Variants in BFSP1 observed in about 807,000 individuals in gnomAD.
BFSP1 encodes the protein filensin.
In BFSP1, 38 loss-of-function variants were observed where a neutral mutation model predicts 43.9. The ratio of observed to expected loss-of-function variants is 0.87; its 90% CI spans 0.67 to 1.14. BFSP1 has a LOEUF of 1.14. Among genes scored for constraint, BFSP1 ranks in the 50% most tolerant of loss-of-function variants. The pLI, the probability that BFSP1 is intolerant of heterozygous loss-of-function variation, is 0.00. For missense variants in BFSP1, 850 were observed against 875.1 expected, an observed-to-expected ratio of 0.97 and a Z score of 0.36; for synonymous variants, 352 against 354.8, an observed-to-expected ratio of 0.99 and a Z score of 0.09.
intron 3 of BFSP1, among the ~76,000 whole-genome samples, 175 bp downstream of exon 3, chr20:17,514,546 C>T (rs1396145198): frequency 6.6e-6 from 1 of 152,160 alleles, no homozygotes; most frequent in African/African-American, 2.4e-5. Flanking sequence ...CTCTTCAAAG[C>T]ACATCTAGCT....
rs1249445139 is a variant in BFSP1, at chr20:17,531,156, G to C, written c.174C>G (p.Ala58=). Residue 58 remains alanine (A), a synonymous_variant, in exon 1 of 8, where the codon GCC becomes GCG. Coordinates refer to ENST00000377873, the MANE Select transcript of BFSP1 (RefSeq NM_001195.5). ...GERVAAHVQR[A]RALEQRHAGL... ...CGGCATGGCGCTGCTCGAGGGCGCGGGCCCGCTGGACGTGGGCGGCCACGC... is the reference window on the plus strand; with the variant it reads ...CGGCATGGCGCTGCTCGAGGGCGCGCGCCCGCTGGACGTGGGCGGCCACGC... 8 of 1,304,398 alleles carry C rather than the reference G, an allele frequency of 6.1e-6. No homozygotes were observed. In the African/African-American group the frequency reaches 1.1e-4, roughly 18 times the overall value. The allele number at this position is 1,304,398 out of a possible 1,614,324, so 80.8% of individuals were successfully genotyped here.
chr20:17,539,923 T>C (rs1203363118), intron 1 of BFSP1, among the ~76,000 whole-genome samples: 2 of 152,164 alleles, frequency 1.3e-5, no homozygotes, highest in Non-Finnish European at 2.9e-5. Context: ...AGCGTTGACC[T>C]GAAATTGGGG....
At chr20:17,496,726 G>T (rs2033640299) in intron 7 of BFSP1, among the ~76,000 whole-genome samples, 1 of 152,138 alleles carries the variant, frequency 6.6e-6, no homozygotes, top group Non-Finnish European at 1.5e-5. Context: ...AGGTAGCCTA[G>T]CCCCCTAGTC....
chr20:17,499,647 C>T (rs2033748311), intron 5 of BFSP1, among the ~76,000 whole-genome samples: 1 of 152,114 alleles, frequency 6.6e-6, no homozygotes, highest in Admixed American at 6.5e-5. Flanking sequence ...GAAACCTAGG[C>T]CAGGTGGCTC....
chr20:17,524,993 TG>T, intron 1 of BFSP1, 85 bp from the exon 2 acceptor site: 1 of 1,177,230 alleles, frequency 8.5e-7, no homozygotes, highest in East Asian at 2.3e-5. Context: ...AAATTCAACC[TG>T]GGTACGATGC....
chr20:17,531,598 A>T (rs971331054), upstream of BFSP1, among the ~76,000 whole-genome samples: 1 of 152,198 alleles, frequency 6.6e-6, no homozygotes, highest in Non-Finnish European at 1.5e-5. Context: ...GTGATTGTTC[A>T]GGCCTGTTGC....
chr20:17,504,414 G>A (rs1436736321), intron 5 of BFSP1, among the ~76,000 whole-genome samples: 1 of 152,158 alleles, frequency 6.6e-6, no homozygotes, highest in Non-Finnish European at 1.5e-5. Flanking sequence ...TGTGACGAGA[G>A]CCACTGTGGC....
At chr20:17,556,464 A>G (rs1600686242) in intron 1 of BFSP1, among the ~76,000 whole-genome samples, 1 of 152,184 alleles carries the variant, frequency 6.6e-6, no homozygotes, top group East Asian at 1.9e-4. Context: ...ACACCACTGC[A>G]CTCCAGCTTG....
At chr20:17,501,585 G>GTCT (rs2033802340) in intron 5 of BFSP1, among the ~76,000 whole-genome samples, 1 of 130,878 alleles carries the variant, frequency 7.6e-6, no homozygotes, top group African/African-American at 2.9e-5. Context: ...GGGTGACAGA[G>GTCT]CGAGACTCTG....
chr20:17,548,820 GTTT>G (rs951486434), intron 1 of BFSP1, among the ~76,000 whole-genome samples: 3 of 151,804 alleles, frequency 2.0e-5, no homozygotes, highest in Non-Finnish European at 2.9e-5. Context: ...TTGTTTGTTT[GTTT>G]TTTAGATGAG....
At chr20:17,503,983 C>A (rs74181967) in intron 5 of BFSP1, among the ~76,000 whole-genome samples, 4 of 152,148 alleles carry the variant, frequency 2.6e-5, no homozygotes, top group Non-Finnish European at 4.4e-5. Flanking sequence ...AAGTGGAGTG[C>A]AATCTTTTTA....
chr20:17,500,147 G>C (rs1485418828), intron 5 of BFSP1, among the ~76,000 whole-genome samples: 1 of 152,200 alleles, frequency 6.6e-6, no homozygotes, highest in Admixed American at 6.5e-5. Flanking sequence ...GATCGGCAGA[G>C]TTACATTTAT....
rs536120178 is a variant in BFSP1 at position 17,497,521 on chromosome 20, TAC to T, written c.957-500_957-499del. ...ATACACGTATATATACGTATATATA[TAC>T]ACACACGTATGTATATATGTGTGTA... On this transcript the variant is annotated intron_variant, in intron 6 of 7. Transcript: ENST00000377873. 3.7e-3 allele frequency among the ~76,000 whole-genome samples: 555 copies of T among 148,144 alleles called. 3 individuals carry two copies. The highest frequency in any genetic ancestry group is 0.013 in the African/African-American group (527 of 40,094).
chr20:17,525,139 T>TA lies in BFSP1; in HGVS notation c.378-232dup, dbSNP rs1389272482. ...GGGTAACCAGGGGCAGTTAGCGGAA[T>TA]AGGAGTCTCCCAGCCCGAAGGCACC... On this transcript the variant is annotated intron_variant, in intron 1 of 7. Coordinates refer to ENST00000377873, the MANE Select transcript of BFSP1 (RefSeq NM_001195.5). This position sits in a 1 kb window ranked among gnomAD's most constrained non-coding sequence, Gnocchi z 4.2. Among the ~76,000 whole-genome samples, 2 of 152,214 alleles carry TA rather than the reference T, an allele frequency of 1.3e-5. No individual in the cohort carries two copies. Among genetic ancestry groups the TA allele is most frequent in the African/African-American group, 4.8e-5 (2 of 41,536 alleles).
At position 17,494,868 on chromosome 20, in the gene BFSP1, C is replaced by T. The variant is rs576972059; in HGVS notation, c.1204G>A (p.Val402Met). The change falls in exon 8 of 8, where the codon GTG (valine) becomes ATG (methionine). Residue 402 changes from valine (V) to methionine (M), a missense_variant. Coordinates refer to ENST00000377873, the MANE Select transcript of BFSP1 (RefSeq NM_001195.5). ...GATTCACTTTCCTCTTTAAGTACCA[C>T]CTGTACCAGCTTTGTGTCTTCCAAA... The part of the protein sequence containing the change: ...KGLEDTKLVQ[V>M]VLKEESESKF... 5 of 1,614,236 alleles carry T rather than the reference C, an allele frequency of 3.1e-6. No homozygotes were observed. Among genetic ancestry groups the T allele is most frequent in the Admixed American group, 3.3e-5 (2 of 60,032 alleles).
chr20:17,567,861 C>CAAA (rs796434004), intron 1 of BFSP1, among the ~76,000 whole-genome samples: 1 of 58,316 alleles, frequency 1.7e-5, no homozygotes, highest in Admixed American at 2.0e-4. Context: ...AACTCAGTCT[C>CAAA]AAAAAAAAAA....
At chr20:17,495,815 A>G (rs1374208832) in intron 7 of BFSP1, among the ~76,000 whole-genome samples, 1 of 152,210 alleles carries the variant, frequency 6.6e-6, no homozygotes, top group East Asian at 1.9e-4. Flanking sequence ...TTTCAGCCCA[A>G]AAGTCATCCC....
chr20:17,563,331 G>C (rs1001151866), upstream of BFSP1, among the ~76,000 whole-genome samples: 5 of 151,896 alleles, frequency 3.3e-5, no homozygotes, highest in Non-Finnish European at 7.4e-5. Context: ...CTAGAAATAT[G>C]GTATATGTTT....
Position 17,531,094 on chromosome 20 carries a change from C to A in BFSP1, c.236G>T (p.Gly79Val). ...RRQLDAFQRL[G>V]ELAGPEDALA... ...GGCGTCCTCGGGCCCGGCCAGCTCG[C>A]CCAGGCGCTGGAAGGCATCCAGCTG... The change falls in exon 1 of 8, where the codon GGC becomes GTC. Residue 79 changes from glycine (G) to valine (V), a missense_variant. Physicochemically the swap from Gly to Val is moderately radical, Grantham distance 109. Coordinates refer to ENST00000377873, the MANE Select transcript of BFSP1 (RefSeq NM_001195.5). The A allele has an allele frequency of 7.3e-7, 1 of 1,362,014 alleles. No individual in the cohort carries two copies. The highest frequency in any genetic ancestry group is 9.4e-7 in the Non-Finnish European group (1 of 1,060,088). The allele number at this position is 1,362,014 out of a possible 1,614,324, so 84.4% of individuals were successfully genotyped here. A position where few individuals can be genotyped will look rare whatever the true frequency, so the allele number is the denominator to read the frequency against.
Sources: gnomAD v4.1 joint callset for allele counts (sites outside exome capture counted in the v4.1 genomes callset) on GRCh38, gnomAD v4.1.1 for gene constraint, Gnocchi (gnomAD v3.1) non-coding constraint, MANE v1.5 for transcripts, NCBI Gene and HGNC (gene_info 2026-07-23, HGNC 2026-07-21) for gene names.